The following GDPD1 variants were observed in gnomAD, a reference collection of about 807,000 sequenced individuals.
The protein encoded by GDPD1 is lysophospholipase D GDPD1.
GDPD1 carries 28 observed loss-of-function variants against 45.1 expected under a neutral mutation model. That is an observed-to-expected ratio of 0.62 (90% CI 0.46 to 0.85). GDPD1 has a LOEUF of 0.85. GDPD1 is among the 40% of genes least tolerant of loss of function. GDPD1 has a pLI of 0.00. For synonymous variants in GDPD1, 139 were observed against 131.4 expected (o/e 1.06, Z -0.40); for missense variants, 256 against 364.8 (o/e 0.70, Z 2.43).
chr17:59,224,131 G>A (rs2047027035), intron 1 of GDPD1, among the ~76,000 whole-genome samples: 1 of 152,100 alleles, frequency 6.6e-6, no homozygotes, highest in African/African-American at 2.4e-5. Flanking sequence ...TCAACATATA[G>A]AAGACCAGCA....
At chr17:59,248,683 T>C (rs1410177019) in intron 3 of GDPD1, 57 bp from the exon 4 acceptor site, 15 of 1,245,406 alleles carry the variant, frequency 1.2e-5, no homozygotes. Context: ...ATGTAACACA[T>C]AAAAATCTTA....
intron 8 of GDPD1, among the ~76,000 whole-genome samples, chr17:59,272,481 A>G (rs542275682): frequency 2.6e-5 from 4 of 152,344 alleles, no homozygotes; most frequent in Non-Finnish European, 5.9e-5. Flanking sequence ...CTCCTTCTTC[A>G]GCAGTGAAAA....
chr17:59,258,941 G>T (rs1394139715), intron 6 of GDPD1, among the ~76,000 whole-genome samples: 1 of 151,758 alleles, frequency 6.6e-6, no homozygotes, highest in Non-Finnish European at 1.5e-5. Flanking sequence ...GGACAACATA[G>T]TGAGACCCCC....
At chr17:59,231,549 A>G (rs1391317188) in intron 1 of GDPD1, among the ~76,000 whole-genome samples, 2 of 151,710 alleles carry the variant, frequency 1.3e-5, no homozygotes, top group African/African-American at 2.4e-5. Flanking sequence ...GATGGTCTCA[A>G]TCTCTAGACC....
chr17:59,245,441 A>G lies in GDPD1; in HGVS notation c.213A>G (p.Leu71=), dbSNP rs1196255516. 1.9e-6 allele frequency: 3 copies of G among 1,611,274 alleles called. No homozygotes were observed. The highest frequency in any genetic ancestry group is 1.1e-5 in the South Asian group (1 of 90,680). ...CGGTTAAAATCGGAACTGATATGCT[A>G]GAATTGGACTGCCATATCACAAAAG... ...QHAVKIGTDM[L]ELDCHITKDE... Residue 71 remains leucine (L), a synonymous_variant, in exon 3 of 10, where the codon CTA becomes CTG. Coordinates refer to ENST00000284116, the MANE Select transcript of GDPD1 (RefSeq NM_182569.4).
chr17:59,236,139 C>T (rs2047130460), intron 2 of GDPD1, among the ~76,000 whole-genome samples: 1 of 151,774 alleles, frequency 6.6e-6, no homozygotes, highest in Non-Finnish European at 1.5e-5. Context: ...AAATTTTTAC[C>T]AACCACCATT....
In GDPD1 at chr17:59,275,872, C is replaced by G. The variant is rs528109118; in HGVS notation, c.*2099C>G. The G allele has an allele frequency of 6.6e-6, 1 of 152,284 alleles. No individual in the cohort carries two copies. The highest frequency in any genetic ancestry group is 2.1e-4 in the South Asian group (1 of 4,836). The allele number at this position is 152,284 out of a possible 1,614,324, so 9.4% of individuals were successfully genotyped here. ...TCTCATTTGGAGTTTGGCAATGAAA[C>G]TGCTATGAAGAATGACTGTACTCTC... On this transcript the variant is annotated 3_prime_UTR_variant, in exon 10 of 10. Transcript: ENST00000284116.
At chr17:59,255,874 T>TAC (rs1226181221) in intron 4 of GDPD1, among the ~76,000 whole-genome samples, 1,205 of 46,436 alleles carry the variant, frequency 0.026, 42 homozygotes, top group Middle Eastern at 0.044. Flanking sequence ...TATATATATA[T>TAC]ACACACACAC....
chr17:59,250,102 T>G (rs1006313916), intron 4 of GDPD1, among the ~76,000 whole-genome samples: 1 of 152,182 alleles, frequency 6.6e-6, no homozygotes, highest in Non-Finnish European at 1.5e-5. Flanking sequence ...TAGCTATTTC[T>G]AAGGGATATT....
In GDPD1 at chr17:59,222,505, C is replaced by CTTTTTTTTTTT. The variant is rs149536097; in HGVS notation, c.142+1770_142+1780dup. ...ACAGGCGTGAGCCACAGTGCCCAGC[C>CTTTTTTTTTTT]TTTTTTTTTTTTTTTTTTTTTTTTT... On this transcript the variant is annotated intron_variant, in intron 1 of 9. Coordinates refer to ENST00000284116, the MANE Select transcript of GDPD1 (RefSeq NM_182569.4). 4.6e-4 allele frequency among the ~76,000 whole-genome samples: 19 copies of CTTTTTTTTTTT among 41,736 alleles called. 2 individuals carry two copies. The highest frequency in any genetic ancestry group is 6.0e-4 in the Non-Finnish European group (13 of 21,760). The allele number at this position is 41,736 out of a possible 152,430, so 27.4% of individuals were successfully genotyped here.
chr17:59,234,510 A>T lies in GDPD1; in HGVS notation c.161A>T (p.Glu54Val). ...SHRGGAGENL[E>V]NTMAAFQHAV... is the part of the protein sequence containing the mutation. ...TTCACAGGTGCTGGAGAAAATTTGGAGAATACAATGGCAGCCTTTCAGCAG... is the reference window on the plus strand; with the variant it reads ...TTCACAGGTGCTGGAGAAAATTTGGTGAATACAATGGCAGCCTTTCAGCAG... Residue 54 changes from glutamate (E) to valine (V), a missense_variant, in exon 2 of 10, where the codon GAG becomes GTG. Coordinates refer to ENST00000284116, the MANE Select transcript of GDPD1 (RefSeq NM_182569.4). The T allele has an allele frequency of 1.2e-6, 2 of 1,602,398 alleles. No homozygotes were observed. The highest frequency in any genetic ancestry group is 1.7e-6 in the Non-Finnish European group (2 of 1,170,578).
At chr17:59,270,380 G>C (rs1175016078) in intron 7 of GDPD1, among the ~76,000 whole-genome samples, 1 of 144,166 alleles carries the variant, frequency 6.9e-6, no homozygotes, top group Non-Finnish European at 1.5e-5. Flanking sequence ...TTTTAGTAGA[G>C]ACGGGGGGGG....
At chr17:59,272,897 A>G in intron 9 of GDPD1, 61 bp downstream of exon 9, 1 of 1,612,682 alleles carries the variant, frequency 6.2e-7, no homozygotes, top group East Asian at 2.2e-5. Flanking sequence ...ACACAAATAT[A>G]AAGGGCAAGA....
chr17:59,242,450 T>C (rs2047182127), intron 2 of GDPD1, among the ~76,000 whole-genome samples: 1 of 152,196 alleles, frequency 6.6e-6, no homozygotes, highest in Non-Finnish European at 1.5e-5. Context: ...ATAATCTATG[T>C]GAAGTAAAAA....
At position 59,267,151 on chromosome 17, in the gene GDPD1, C is replaced by A; in HGVS notation, c.687C>A (p.Ile229=). 1 of 1,613,832 alleles carries A rather than the reference C, an allele frequency of 6.2e-7. No homozygotes were observed. Among genetic ancestry groups the A allele is most frequent in the Non-Finnish European group, 8.5e-7 (1 of 1,179,822 alleles). The change falls in exon 7 of 10, where the codon ATC becomes ATA. Residue 229 remains isoleucine (I), a synonymous_variant. Transcript: ENST00000284116. ...CCATTCGAGAACAGTTTTTTGAAAT[C>A]CCAATGCCTTCTATTATACTGAAGT... is the stretch of plus-strand genomic sequence containing the variant. ...FVPIREQFFE[I]PMPSIILKLK...
intron 1 of GDPD1, among the ~76,000 whole-genome samples, chr17:59,232,140 CA>C (rs2147877016): frequency 6.6e-6 from 1 of 152,204 alleles, no homozygotes; most frequent in Admixed American, 6.5e-5. Flanking sequence ...CTTACATATA[CA>C]AAAAATTGCC....
intron 7 of GDPD1, among the ~76,000 whole-genome samples, chr17:59,270,699 CATTTATTTATTT>C: frequency 6.6e-6 from 1 of 151,910 alleles, no homozygotes; most frequent in East Asian, 1.9e-4. Context: ...TTTATGTATG[CATTTATTTATTT>C]ATTTATTTAT....
chr17:59,232,407 G>T (rs1277986124), intron 1 of GDPD1, among the ~76,000 whole-genome samples: 1 of 150,658 alleles, frequency 6.6e-6, no homozygotes, highest in Non-Finnish European at 1.5e-5. Context: ...CCGAGATCAC[G>T]CCACTGCACT....
chr17:59,247,604 T>G (rs1202505336), intron 3 of GDPD1, among the ~76,000 whole-genome samples: 1 of 152,176 alleles, frequency 6.6e-6, no homozygotes. Context: ...TAGTTCTAAG[T>G]TTTCACCATT....
Sources: gnomAD v4.1 joint callset for allele counts (sites outside exome capture counted in the v4.1 genomes callset) on GRCh38, gnomAD v4.1.1 for gene constraint, MANE v1.5 for transcripts, NCBI Gene and HGNC (gene_info 2026-07-23, HGNC 2026-07-21) for gene names.